NPY1R: variants seen among roughly 807,000 people sequenced by gnomAD.
NPY1R encodes the protein neuropeptide Y receptor Y1.
NPY1R carries 10 observed loss-of-function variants against 24.1 expected under a neutral mutation model. That is an observed-to-expected ratio of 0.42 (90% CI 0.26 to 0.71). NPY1R has a LOEUF of 0.71. NPY1R is among the 30% of genes least tolerant of loss of function. NPY1R has a pLI of 0.28. For synonymous variants in NPY1R, 168 were observed against 165.9 expected (o/e 1.01, Z -0.10); for missense variants, 350 against 458.0 (o/e 0.76, Z 2.15).
Position 163,326,104 on chromosome 4 carries a change from T to G in NPY1R, c.451A>C (p.Asn151His). The change falls in exon 2 of 3, where the codon AAT becomes CAT. Residue 151 changes from asparagine to histidine, a missense_variant. Transcript: ENST00000296533. ...ATACCTACATAAGCATGTCTATTATTTGGTCTCCACCCTCGAGGGTTGATT... is the reference window on the plus strand; with the variant it reads ...ATACCTACATAAGCATGTCTATTATGTGGTCTCCACCCTCGAGGGTTGATT... ...LIINPRGWRP[N>H]NRHAYVGIAV... 6.2e-7 allele frequency: 1 copy of G among 1,614,158 alleles called. No homozygotes were observed. Among genetic ancestry groups the G allele is most frequent in the Non-Finnish European group, 8.5e-7 (1 of 1,179,986 alleles).
At position 163,325,749 on chromosome 4, in the gene NPY1R, G is replaced by A. The variant is rs201792729; in HGVS notation, c.709C>T (p.Arg237Cys). ...ATCATGTTGTTTCTCCTTTTTAGGC[G>A]TATATATATCTATGGAAGAAAAAAG... The part of the protein sequence containing the change: ...IFICYFKIYI[R>C]LKRRNNMMDK... Residue 237 changes from arginine to cysteine, a missense_variant, in exon 3 of 3, where the codon CGC (arginine) becomes TGC (cysteine). Physicochemically the swap from Arg to Cys is radical, Grantham distance 180 (BLOSUM62 -3). Transcript: ENST00000296533. 296 of 1,588,442 alleles carry A rather than the reference G, an allele frequency of 1.9e-4. No homozygotes were observed. Among genetic ancestry groups the A allele is most frequent in the Admixed American group, 3.9e-4 (23 of 59,140 alleles).
chr4:163,337,513 C>A (rs1734869638), upstream of NPY1R, among the ~76,000 whole-genome samples: 1 of 152,138 alleles, frequency 6.6e-6, no homozygotes, highest in African/African-American at 2.4e-5. Context: ...TCCAACCCAG[C>A]TGTTTCAACC....
intron 1 of NPY1R, among the ~76,000 whole-genome samples, chr4:163,343,565 A>C (rs1267491370): frequency 1.3e-5 from 2 of 151,988 alleles, no homozygotes; most frequent in African/African-American, 4.8e-5. Flanking sequence ...CTAAGAACTT[A>C]GGGGCACAGC....
chr4:163,343,343 A>C (rs377319382), intron 1 of NPY1R, among the ~76,000 whole-genome samples: 1 of 151,904 alleles, frequency 6.6e-6, no homozygotes, highest in African/African-American at 2.4e-5. Context: ...CTTCCCTTCT[A>C]TTCTGCTGGG....
In NPY1R at chr4:163,325,348, G is replaced by A. The variant is rs763616172; in HGVS notation, c.1110C>T (p.Val370=). 42 of 1,612,218 alleles carry A rather than the reference G, an allele frequency of 2.6e-5. No individual in the cohort carries two copies. Among genetic ancestry groups the A allele is most frequent in the Middle Eastern group, 1.6e-4 (1 of 6,072 alleles). ...CATTGTTGTTGATTTTTTTAAATGC[G>A]ACTGGGCTTGCTTGCTTCAAAGAAG... is the stretch of plus-strand genomic sequence containing the variant. ...SKTSLKQASP[V]AFKKINNNDD... is the part of the protein sequence containing the mutation. The change falls in exon 3 of 3, where the codon GTC becomes GTT. Residue 370 remains valine, a synonymous_variant. Coordinates refer to ENST00000296533, the MANE Select transcript of NPY1R (RefSeq NM_000909.6).
chr4:163,328,402 T>C (rs1232576514), intron 1 of NPY1R, among the ~76,000 whole-genome samples: 1 of 152,222 alleles, frequency 6.6e-6, no homozygotes, highest in Admixed American at 6.5e-5. Flanking sequence ...AATCTCTTAT[T>C]TTAAGAATTC....
intron 1 of NPY1R, among the ~76,000 whole-genome samples, chr4:163,343,429 G>A (rs1353709611): frequency 6.6e-6 from 1 of 151,948 alleles, no homozygotes; most frequent in Non-Finnish European, 1.5e-5. Context: ...TTACTTCAAA[G>A]AGGTGCAAAG....
chr4:163,336,176 A>G (rs1458845851), upstream of NPY1R, among the ~76,000 whole-genome samples: 2 of 152,204 alleles, frequency 1.3e-5, no homozygotes, highest in African/African-American at 4.8e-5. Flanking sequence ...CATGGGCTGC[A>G]TATTTCGGGG....
At chr4:163,329,483 C>T (rs1186600728) in intron 1 of NPY1R, among the ~76,000 whole-genome samples, 1 of 152,000 alleles carries the variant, frequency 6.6e-6, no homozygotes, top group Non-Finnish European at 1.5e-5. Flanking sequence ...CACCTGTAGT[C>T]CCAGCTACTC....
At chr4:163,342,957 T>TTCTCTCTCTC in intron 1 of NPY1R, among the ~76,000 whole-genome samples, 1 of 133,394 alleles carries the variant, frequency 7.5e-6, no homozygotes, top group African/African-American at 2.8e-5. Flanking sequence ...CCTTCTCTCC[T>TTCTCTCTCTC]TCTCTCTCTC....
chr4:163,328,540 C>T (rs1734659100), intron 1 of NPY1R, among the ~76,000 whole-genome samples: 1 of 152,152 alleles, frequency 6.6e-6, no homozygotes, highest in Non-Finnish European at 1.5e-5. Flanking sequence ...AGCTTTTTAT[C>T]CTTGTCACCA....
intron 1 of NPY1R, among the ~76,000 whole-genome samples, chr4:163,340,310 A>T (rs564090772): frequency 1.2e-3 from 159 of 133,242 alleles, no homozygotes; most frequent in Middle Eastern, 4.1e-3. Context: ...CTTCTTGTAC[A>T]TATATATATA....
chr4:163,344,291 G>A (rs1735113750), intron 1 of NPY1R: 1 of 152,348 alleles, frequency 6.6e-6, no homozygotes, highest in Non-Finnish European at 1.5e-5. Context: ...AGGTCCCTCC[G>A]GTTCCCAACT....
chr4:163,342,578 A>C (rs1240263425), intron 1 of NPY1R, among the ~76,000 whole-genome samples: 1 of 152,204 alleles, frequency 6.6e-6, no homozygotes, highest in East Asian at 1.9e-4. Context: ...TAACACACAG[A>C]AGAATAAAAC....
At chr4:163,342,898 A>G (rs528619090) in intron 1 of NPY1R, among the ~76,000 whole-genome samples, 1 of 151,958 alleles carries the variant, frequency 6.6e-6, no homozygotes, top group South Asian at 2.1e-4. Flanking sequence ...TTCTCATGGT[A>G]AAGCTATGTC....
chr4:163,327,518 T>C (rs1233274851), intron 1 of NPY1R, among the ~76,000 whole-genome samples: 5 of 152,192 alleles, frequency 3.3e-5, no homozygotes, highest in African/African-American at 1.2e-4. Flanking sequence ...GTGTTCCATA[T>C]ACAAATTTTA....
chr4:163,327,517 A>G (rs1263915254), intron 1 of NPY1R, among the ~76,000 whole-genome samples: 1 of 152,224 alleles, frequency 6.6e-6, no homozygotes, highest in Non-Finnish European at 1.5e-5. Context: ...AGTGTTCCAT[A>G]TACAAATTTT....
At chr4:163,325,788 A>G in intron 2 of NPY1R, 30 bp from the exon 3 acceptor site, 1 of 1,565,620 alleles carries the variant, frequency 6.4e-7, no homozygotes, top group Non-Finnish European at 8.7e-7. Flanking sequence ...AAATAGAAAC[A>G]CTCATTTGAT....
intron 1 of NPY1R, among the ~76,000 whole-genome samples, chr4:163,343,190 A>C (rs1369999485): frequency 6.8e-6 from 1 of 146,342 alleles, no homozygotes; most frequent in African/African-American, 2.6e-5. Context: ...TTTTTTTTTA[A>C]CCTGTGACAA....
Sources: allele counts gnomAD v4.1 joint callset (sites outside exome capture counted in the v4.1 genomes callset), GRCh38; gene constraint gnomAD v4.1.1; transcripts MANE v1.5; gene names NCBI Gene and HGNC (gene_info 2026-07-23, HGNC 2026-07-21).